The following MALRD1 variants were observed in gnomAD, a reference collection of about 807,000 sequenced individuals.
MALRD1 encodes MAM and LDL-receptor class A domain-containing protein 1.
MALRD1 carries 247 observed loss-of-function variants against 242.1 expected under a neutral mutation model. The ratio of observed to expected loss-of-function variants is 1.02; its 90% confidence interval spans 0.92 to 1.13. The LOEUF (loss-of-function observed/expected upper bound fraction) is 1.13, where lower values mean the gene tolerates loss of function less well. Ranked by LOEUF, MALRD1 falls within the 50% of genes most tolerant of loss-of-function variation. The probability of loss-of-function intolerance (pLI) is 0.00; values close to 1 mark genes in which losing one functional copy is unlikely to be tolerated. For synonymous variants in MALRD1, 995 were observed against 866.6 expected, an observed-to-expected ratio of 1.15 and a Z score of -2.60; for missense variants, 2,989 against 2,533.1, an observed-to-expected ratio of 1.18 and a Z score of -3.86.
chr10:19,622,914 G>T (rs1049542848), intron 36 of MALRD1, among the ~76,000 whole-genome samples: 1 of 151,924 alleles, frequency 6.6e-6, no homozygotes, highest in Non-Finnish European at 1.5e-5. Context: ...GGACAAAGAT[G>T]AACTTTTTAA....
chr10:19,432,484 T>C (rs1834175535), intron 28 of MALRD1, among the ~76,000 whole-genome samples: 1 of 152,208 alleles, frequency 6.6e-6, no homozygotes, highest in Non-Finnish European at 1.5e-5. Flanking sequence ...TTCCATGAAA[T>C]GCCTTAATTC....
chr10:19,604,927 G>C (rs1458911687), intron 34 of MALRD1, among the ~76,000 whole-genome samples: 4 of 152,006 alleles, frequency 2.6e-5, no homozygotes, highest in African/African-American at 7.2e-5. Context: ...AGATATACCT[G>C]TGCATACTTC....
At chr10:19,682,004 G>A (rs1842391864) in intron 36 of MALRD1, among the ~76,000 whole-genome samples, 1 of 151,428 alleles carries the variant, frequency 6.6e-6, no homozygotes, top group Non-Finnish European at 1.5e-5. Flanking sequence ...GCTAATTTCT[G>A]GGATACCAAC....
At chr10:19,472,921 T>A (rs1473983628) in intron 29 of MALRD1, among the ~76,000 whole-genome samples, 1 of 151,372 alleles carries the variant, frequency 6.6e-6, no homozygotes, top group East Asian at 1.9e-4. Context: ...GACTTCTAAA[T>A]ATAATCATTG....
chr10:19,389,597 G>T lies in MALRD1; in HGVS notation c.4833G>T (p.Gln1611His). 6.5e-7 allele frequency: 1 copy of T among 1,549,992 alleles called. No homozygotes were observed. Among genetic ancestry groups the T allele is most frequent in the Non-Finnish European group, 8.7e-7 (1 of 1,146,728 alleles). The change falls in exon 28 of 40, where the codon CAG becomes CAT. Residue 1611 changes from glutamine (Q) to histidine (H), a missense_variant. Gln to His is a conservative substitution (Grantham distance 24, BLOSUM62 0). Transcript: ENST00000454679. ...FVSAKATGSI[Q>H]ILIKTEKGLS... ...CTGCAAAGGCCACAGGATCCATTCA[G>T]ATTCTCATCAAGGTAGGAACATGGC...
intron 19 of MALRD1, among the ~76,000 whole-genome samples, chr10:19,276,773 G>A (rs1042985788): frequency 6.6e-6 from 1 of 152,038 alleles, no homozygotes; most frequent in East Asian, 1.9e-4. Flanking sequence ...TTAGACGTGA[G>A]TATATCCAAC....
At chr10:19,638,485 T>A (rs1432148432) in intron 36 of MALRD1, among the ~76,000 whole-genome samples, 1 of 152,022 alleles carries the variant, frequency 6.6e-6, no homozygotes, top group African/African-American at 2.4e-5. Context: ...TGAGTATGAG[T>A]GAGGGATGAT....
intron 21 of MALRD1, among the ~76,000 whole-genome samples, chr10:19,310,842 C>T (rs919341635): frequency 1.1e-4 from 17 of 151,516 alleles, no homozygotes; most frequent in African/African-American, 3.4e-4. Flanking sequence ...GTCCCTTCTC[C>T]GGGTATTATC....
In MALRD1 at chr10:19,160,291, C is replaced by T. The variant is rs558739099; in HGVS notation, c.1656+5119C>T. On this transcript the variant is annotated intron_variant, in intron 12 of 39. Transcript: ENST00000454679. ...ATTGATTTGCGTATATTGAACCAGC[C>T]TTGCATCCCAGGGATGAAGCCCACT... 7.4e-3 allele frequency among the ~76,000 whole-genome samples: 1,072 copies of T among 145,358 alleles called. 12 individuals are homozygous for T. Among genetic ancestry groups the T allele is most frequent in the African/African-American group, 0.026 (1,017 of 38,874 alleles).
chr10:19,477,195 A>T (rs1733230701), intron 29 of MALRD1, among the ~76,000 whole-genome samples: 1 of 152,152 alleles, frequency 6.6e-6, no homozygotes, highest in South Asian at 2.1e-4. Flanking sequence ...ATATTATTGC[A>T]CAGCTGAAAA....
At chr10:19,525,946 A>G (rs1834079941) in intron 31 of MALRD1, among the ~76,000 whole-genome samples, 4 of 152,188 alleles carry the variant, frequency 2.6e-5, no homozygotes, top group Non-Finnish European at 5.9e-5. Context: ...TTCTGCTTCT[A>G]TAAATAGCTG....
At chr10:19,400,374 T>C (rs1193340079) in intron 28 of MALRD1, among the ~76,000 whole-genome samples, 1 of 152,166 alleles carries the variant, frequency 6.6e-6, no homozygotes, top group Non-Finnish European at 1.5e-5. Flanking sequence ...TGTGTTCCCA[T>C]ATGATTAAGT....
At chr10:19,547,425 C>G (rs915733516) in intron 32 of MALRD1, among the ~76,000 whole-genome samples, 2 of 151,938 alleles carry the variant, frequency 1.3e-5, no homozygotes, top group African/African-American at 4.8e-5. Flanking sequence ...TTCTAAAGCT[C>G]TCTGCTTCTG....
intron 24 of MALRD1, among the ~76,000 whole-genome samples, chr10:19,342,223 T>G (rs777993424): frequency 3.6e-4 from 55 of 152,136 alleles, no homozygotes; most frequent in Non-Finnish European, 6.9e-4. Context: ...GGCTAGGGAG[T>G]AGTACACCAG....
intron 36 of MALRD1, among the ~76,000 whole-genome samples, chr10:19,625,537 T>C (rs1251407212): frequency 6.6e-6 from 1 of 152,028 alleles, no homozygotes; most frequent in Admixed American, 6.6e-5. Flanking sequence ...GAAAGAGATA[T>C]GATTCTAAAA....
chr10:19,060,142 C>A (rs1834780277), intron 1 of MALRD1, among the ~76,000 whole-genome samples: 1 of 152,108 alleles, frequency 6.6e-6, no homozygotes, highest in Admixed American at 6.6e-5. Context: ...AGTGTCTGGG[C>A]TCTCTTTTGT....
intron 33 of MALRD1, among the ~76,000 whole-genome samples, chr10:19,590,874 A>G (rs1837742601): frequency 4.6e-5 from 7 of 152,136 alleles, no homozygotes. Context: ...AATCAGTGAG[A>G]TGAGCCTACT....
chr10:19,116,539 A>G (rs563101079), intron 5 of MALRD1, among the ~76,000 whole-genome samples: 217 of 152,322 alleles, frequency 1.4e-3, no homozygotes, highest in African/African-American at 5.0e-3. Flanking sequence ...CTGGATGTCA[A>G]TTATAACTTT....
chr10:19,454,503 A>T (rs1046966502), intron 29 of MALRD1, among the ~76,000 whole-genome samples: 1 of 147,748 alleles, frequency 6.8e-6, no homozygotes, highest in African/African-American at 2.5e-5. Context: ...TCCTGGACTT[A>T]TGATGGTGTT....
Sources: allele counts gnomAD v4.1 joint callset (sites outside exome capture counted in the v4.1 genomes callset), GRCh38; gene constraint gnomAD v4.1.1; transcripts MANE v1.5; gene names NCBI Gene and HGNC (gene_info 2026-07-23, HGNC 2026-07-21).